The following UMODL1 variants were observed in gnomAD, a reference collection of about 807,000 sequenced individuals.
UMODL1 encodes uromodulin-like 1.
In UMODL1, 128 loss-of-function variants were observed where a neutral mutation model predicts 136.3. That is an observed-to-expected ratio of 0.94 (90% CI 0.81 to 1.09). UMODL1 has a LOEUF of 1.09. Among genes scored for constraint, UMODL1 ranks in the 50% least tolerant of loss-of-function variants. The probability of loss-of-function intolerance (pLI) is 0.00; values close to 1 mark genes in which losing one functional copy is unlikely to be tolerated. For synonymous variants in UMODL1, 721 were observed against 720.0 expected (o/e 1.00, Z -0.02); for missense variants, 1,766 against 1,725.6 (o/e 1.02, Z -0.41).
At chr21:42,071,542 T>A (rs968758725) in intron 1 of UMODL1, 150 bp downstream of exon 1, 2 of 826,474 alleles carry the variant, frequency 2.4e-6, no homozygotes, top group Non-Finnish European at 3.4e-6. Flanking sequence ...ACAAGCTTTT[T>A]GGTAAGCGCA....
At position 42,084,232 on chromosome 21, in the gene UMODL1, C is replaced by T. The variant is rs755170273; in HGVS notation, c.468C>T (p.Ala156=). 6.2e-7 allele frequency: 1 copy of T among 1,613,376 alleles called. No individual in the cohort carries two copies. The highest frequency in any genetic ancestry group is 8.5e-7 in the Non-Finnish European group (1 of 1,179,914). The change falls in exon 3 of 23, where the codon GCC becomes GCT. Residue 156 remains alanine (A), a synonymous_variant. Transcript: ENST00000408910. ...CPWSGGRYCM[A]PAPQAPERDP... is the part of the protein sequence containing the mutation. ...GGTCAGGGGGGCGCTACTGCATGGCCCCTGCACCCCAAGGTAGGCTGCTGC... is the reference window on the plus strand; with the variant it reads ...GGTCAGGGGGGCGCTACTGCATGGCTCCTGCACCCCAAGGTAGGCTGCTGC...
Position 42,126,336 on chromosome 21 carries a change from T to C in UMODL1, c.3148-9T>C. 1 of 1,613,904 alleles carries C rather than the reference T, an allele frequency of 6.2e-7. No homozygotes were observed. The highest frequency in any genetic ancestry group is 2.2e-5 in the East Asian group (1 of 44,866). ...CCTGGGAGCTCCTCATGCTCCGCTTTGTGCTCAGAACATGACGAACACCGT... is the reference window on the plus strand; with the variant it reads ...CCTGGGAGCTCCTCATGCTCCGCTTCGTGCTCAGAACATGACGAACACCGT... On this transcript the variant is annotated splice_polypyrimidine_tract_variant and intron_variant, in intron 17 of 22. Transcript: ENST00000408910.
chr21:42,086,837 G>A (rs558194891), intron 4 of UMODL1, among the ~76,000 whole-genome samples: 1 of 152,330 alleles, frequency 6.6e-6, no homozygotes, highest in East Asian at 1.9e-4. Context: ...GTGGTGGCAC[G>A]TGCCTGTAAT....
chr21:42,095,041 C>G (rs1035740932), intron 6 of UMODL1, among the ~76,000 whole-genome samples: 1 of 146,898 alleles, frequency 6.8e-6, no homozygotes, highest in Admixed American at 7.0e-5. Context: ...TGGTGGCTGC[C>G]GGCATTCCTT....
chr21:42,111,379 C>T (rs1353274446), intron 11 of UMODL1, 127 bp from the exon 12 acceptor site: 1 of 1,611,990 alleles, frequency 6.2e-7, no homozygotes. Context: ...GGAGCACCAG[C>T]CAGGCGAGCC....
At chr21:42,133,354 C>G (rs1601282661) in intron 21 of UMODL1, among the ~76,000 whole-genome samples, 1 of 152,340 alleles carries the variant, frequency 6.6e-6, no homozygotes, top group African/African-American at 2.4e-5. Flanking sequence ...AGGGAATGTG[C>G]CTAAGCTCAC....
chr21:42,085,379 G>T lies in UMODL1; in HGVS notation c.570G>T (p.Arg190Ser). The stretch of plus-strand genomic sequence containing the variant: ...AGGAACTCCAGCAAGTGGACCCCAG[G>T]CTCCTGAACCACATGCGCCTTCTGC... ...DFKELQQVDP[R>S]LLNHMRLLHS... is the part of the protein sequence containing the mutation. The change falls in exon 4 of 23, where the codon AGG becomes AGT. Residue 190 changes from arginine to serine, a missense_variant. By Grantham distance (110) the Arg-to-Ser change is moderately radical. Coordinates refer to ENST00000408910, the MANE Select transcript of UMODL1 (RefSeq NM_001004416.3). The surrounding 1 kb of genome is among the most constrained non-coding windows in gnomAD (Gnocchi z 4.5). 1.9e-6 allele frequency: 3 copies of T among 1,614,056 alleles called. No individual in the cohort carries two copies. Among genetic ancestry groups the T allele is most frequent in the South Asian group, 1.1e-5 (1 of 91,084 alleles).
In UMODL1 at chr21:42,076,133, C is replaced by G; in HGVS notation, c.205C>G (p.Arg69Gly). Reference protein sequence around the residue: ...VSCGGWIPWRRCPKMVYRTQY... With the variant: ...VSCGGWIPWRGCPKMVYRTQY... ...CTGCGGCGGCTGGATCCCCTGGAGGCGGTGCCCTAAGATGGTTTACCGGAC... is the reference window on the plus strand; with the variant it reads ...CTGCGGCGGCTGGATCCCCTGGAGGGGGTGCCCTAAGATGGTTTACCGGAC... The change falls in exon 2 of 23, where the codon CGG becomes GGG. Residue 69 changes from arginine (R) to glycine (G), a missense_variant. Arg to Gly is a moderately radical substitution (Grantham distance 125, BLOSUM62 -2). Coordinates refer to ENST00000408910, the MANE Select transcript of UMODL1 (RefSeq NM_001004416.3). The G allele has an allele frequency of 6.2e-7, 1 of 1,614,228 alleles. No homozygotes were observed. Among genetic ancestry groups the G allele is most frequent in the Non-Finnish European group, 8.5e-7 (1 of 1,180,038 alleles).
chr21:42,071,242 A>G (rs965524194), upstream of UMODL1: 14 of 1,386,214 alleles, frequency 1.0e-5, no homozygotes, highest in African/African-American at 5.9e-5. Flanking sequence ...TCAGGCCCCT[A>G]TGAGCCCTGG....
chr21:42,065,734 A>G (rs1174208986), intron 1 of UMODL1, among the ~76,000 whole-genome samples: 1 of 151,922 alleles, frequency 6.6e-6, no homozygotes, highest in Non-Finnish European at 1.5e-5. Flanking sequence ...GGGTTTCACC[A>G]TGTTGGCCAG....
At chr21:42,070,777 A>G (rs2066222758), upstream of UMODL1, among the ~76,000 whole-genome samples, 1 of 152,242 alleles carries the variant, frequency 6.6e-6, no homozygotes, top group Non-Finnish European at 1.5e-5. Flanking sequence ...TCTCAGCCCA[A>G]GCTCCGGGAG....
intron 12 of UMODL1, among the ~76,000 whole-genome samples, chr21:42,112,658 CCAGCTGTTTTGTGCCCCCT>C (rs1399248552): frequency 1.3e-5 from 2 of 152,072 alleles, no homozygotes; most frequent in African/African-American, 4.8e-5. Flanking sequence ...CTGCACCTCC[CCAGCTGTTTTGTGCCCCCT>C]CAGCTGTTCT....
At chr21:42,095,338 G>A (rs751786900) in intron 6 of UMODL1, among the ~76,000 whole-genome samples, 58 of 152,044 alleles carry the variant, frequency 3.8e-4, no homozygotes, top group Admixed American at 9.2e-4. Flanking sequence ...CAAGCCATCC[G>A]CCCACTTTGG....
chr21:42,112,409 C>CTTCTGCACCCCCAGCTG (rs2146507577), intron 12 of UMODL1, among the ~76,000 whole-genome samples: 1 of 150,552 alleles, frequency 6.6e-6, no homozygotes, highest in African/African-American at 2.4e-5. Flanking sequence ...CTCCCCAGTT[C>CTTCTGCACCCCCAGCTG]TTCTGCACCC....
chr21:42,076,030 C>T lies in UMODL1; in HGVS notation c.102C>T (p.Tyr34=), dbSNP rs1364337716. ...FTEKGLSLLG[Y]QLCSHRVTHT... ...AAAAAGGCCTCTCCCTGTTGGGCTA[C>T]CAGCTATGCAGCCACCGTGTGACCC... The change falls in exon 2 of 23, where the codon TAC becomes TAT. Residue 34 remains tyrosine, a synonymous_variant. Coordinates refer to ENST00000408910, the MANE Select transcript of UMODL1 (RefSeq NM_001004416.3). 2.1e-5 allele frequency: 34 copies of T among 1,614,012 alleles called. No individual in the cohort carries two copies. The highest frequency in any genetic ancestry group is 2.5e-5 in the Non-Finnish European group (29 of 1,179,960).
intron 21 of UMODL1, among the ~76,000 whole-genome samples, chr21:42,134,427 A>T (rs2067175958): frequency 6.6e-6 from 1 of 152,136 alleles, no homozygotes; most frequent in South Asian, 2.1e-4. Flanking sequence ...TAAAAGGCCA[A>T]GAAATTTCGA....
At chr21:42,102,328 G>A in intron 8 of UMODL1, 50 bp downstream of exon 8, 1 of 1,354,900 alleles carries the variant, frequency 7.4e-7, no homozygotes, top group Non-Finnish European at 1.0e-6. Flanking sequence ...TCTGAGTGAG[G>A]ACATCAAACA....
chr21:42,130,937 C>G (rs2067126526), intron 21 of UMODL1, among the ~76,000 whole-genome samples: 1 of 151,990 alleles, frequency 6.6e-6, no homozygotes, highest in African/African-American at 2.4e-5. Context: ...CTACTCAGTC[C>G]CGAGTAACAG....
chr21:42,142,384 C>T lies in UMODL1; in HGVS notation c.*310C>T. 6.6e-6 allele frequency: 1 copy of T among 152,462 alleles called. No homozygotes were observed. The highest frequency in any genetic ancestry group is 1.5e-5 in the Non-Finnish European group (1 of 68,152). The allele number at this position is 152,462 out of a possible 1,614,324, so 9.4% of individuals were successfully genotyped here. On this transcript the variant is annotated 3_prime_UTR_variant, in exon 23 of 23. Coordinates refer to ENST00000408910, the MANE Select transcript of UMODL1 (RefSeq NM_001004416.3). The stretch of plus-strand genomic sequence containing the variant: ...GAAGACGGGGGCAGTCCTGGGGGTG[C>T]TGCGGCTACACCACCACCCGCGCGG...
Sources: gnomAD v4.1 joint callset for allele counts (sites outside exome capture counted in the v4.1 genomes callset) on GRCh38, gnomAD v4.1.1 for gene constraint, Gnocchi (gnomAD v3.1) non-coding constraint, MANE v1.5 for transcripts, NCBI Gene and HGNC (gene_info 2026-07-23, HGNC 2026-07-21) for gene names.